Variants in SERPINA12 observed in about 807,000 individuals in gnomAD.
SERPINA12 encodes the protein serpin A12.
A neutral mutation model predicts 25.9 loss-of-function variants in SERPINA12; 21 were observed. The ratio of observed to expected loss-of-function variants is 0.81; its 90% CI spans 0.58 to 1.17. The LOEUF is 1.17. Among genes scored for constraint, SERPINA12 ranks in the 50% most tolerant of loss-of-function variants. The pLI is 0.00. For missense variants in SERPINA12, 562 were observed against 508.3 expected, an observed-to-expected ratio of 1.11 and a Z score of -1.02; for synonymous variants, 220 against 196.0, an observed-to-expected ratio of 1.12 and a Z score of -1.02.
At position 94,496,387 on chromosome 14, in the gene SERPINA12, T is replaced by A. The variant is rs1359356813; in HGVS notation, c.891A>T (p.Thr297=). 1.2e-6 allele frequency: 2 copies of A among 1,614,176 alleles called. No individual in the cohort carries two copies. Among genetic ancestry groups the A allele is most frequent in the East Asian group, 4.5e-5 (2 of 44,868 alleles). ...LQVDTFSRWK[T]LLSRRVVDVS... is the part of the protein sequence containing the mutation. ...ACCCACTTTACCTGCGTGACAGTAA[T>A]GTTTTCCATCTGGAGAAAGTGTCCA... Residue 297 remains threonine, a synonymous_variant, in exon 3 of 5, where the codon ACA becomes ACT. Transcript: ENST00000677451.
At chr14:94,502,363 C>T (rs1337875665) in intron 1 of SERPINA12, among the ~76,000 whole-genome samples, 6 of 152,302 alleles carry the variant, frequency 3.9e-5, no homozygotes, top group East Asian at 1.9e-4. Flanking sequence ...TAAGTCTACA[C>T]GAGAAGGGGT....
chr14:94,514,128 C>T (rs1329090041), upstream of SERPINA12, among the ~76,000 whole-genome samples: 1 of 152,240 alleles, frequency 6.6e-6, no homozygotes, highest in Non-Finnish European at 1.5e-5. Context: ...TGGGACAGTG[C>T]CTGGACTGTG....
intron 3 of SERPINA12, among the ~76,000 whole-genome samples, chr14:94,490,788 G>A (rs1048221148): frequency 5.9e-5 from 9 of 151,956 alleles, no homozygotes; most frequent in Non-Finnish European, 8.8e-5. Flanking sequence ...CCAGCCCCAC[G>A]TCCCAGAGCC....
chr14:94,505,857 T>C (rs1360155992), intron 1 of SERPINA12, among the ~76,000 whole-genome samples: 1 of 152,200 alleles, frequency 6.6e-6, no homozygotes, highest in African/African-American at 2.4e-5. Context: ...CAGTAGGCCA[T>C]GGGCAGAGGG....
intron 3 of SERPINA12, among the ~76,000 whole-genome samples, chr14:94,491,461 C>CATTCT (rs575651547): frequency 4.6e-5 from 7 of 151,708 alleles, no homozygotes; most frequent in Non-Finnish European, 1.0e-4. Context: ...TTAAAAGGAT[C>CATTCT]ATTCTGTTGC....
At chr14:94,514,435 C>T (rs1595702809), upstream of SERPINA12, among the ~76,000 whole-genome samples, 1 of 152,332 alleles carries the variant, frequency 6.6e-6, no homozygotes, top group East Asian at 1.9e-4. Context: ...TCTCTGCCAG[C>T]CCCTGGTGGC....
upstream of SERPINA12, among the ~76,000 whole-genome samples, chr14:94,509,582 A>G (rs1901055765): frequency 6.6e-6 from 1 of 152,052 alleles, no homozygotes; most frequent in Non-Finnish European, 1.5e-5. Flanking sequence ...AGCCTGGCCA[A>G]CTGGCCCTGC....
intron 1 of SERPINA12, among the ~76,000 whole-genome samples, chr14:94,508,395 ATTT>A (rs1566815437): frequency 0.011 from 213 of 18,730 alleles, no homozygotes; most frequent in African/African-American, 0.07. Flanking sequence ...GAAATAGAAA[ATTT>A]AGAAAATTTT....
chr14:94,510,037 A>T (rs938954330), upstream of SERPINA12: 21 of 984,110 alleles, frequency 2.1e-5, no homozygotes, highest in Admixed American at 6.2e-5. Flanking sequence ...ACCCCACCCC[A>T]CTCCCGAGCT....
At chr14:94,505,248 A>G (rs1358383544) in intron 1 of SERPINA12, among the ~76,000 whole-genome samples, 1 of 152,094 alleles carries the variant, frequency 6.6e-6, no homozygotes, top group African/African-American at 2.4e-5. Context: ...ACCCAGACAA[A>G]CCTTCTTGGA....
rs755437051 is a variant in SERPINA12, at chr14:94,487,514, A to G, written c.1054-20T>C. 6.3e-7 allele frequency: 1 copy of G among 1,588,346 alleles called. No homozygotes were observed. Among genetic ancestry groups the G allele is most frequent in the Non-Finnish European group, 8.6e-7 (1 of 1,167,516 alleles). On this transcript the variant is annotated intron_variant, in intron 4 of 4. Coordinates refer to ENST00000677451, the MANE Select transcript of SERPINA12 (RefSeq NM_001382267.1). Reference sequence around the variant, plus strand: ...CACAGCCTACGGAAGCCAAGGGCAAAGTCAAGGTCTGCCAAGCTCCTTGGC... The same window carrying G: ...CACAGCCTACGGAAGCCAAGGGCAAGGTCAAGGTCTGCCAAGCTCCTTGGC...
intron 1 of SERPINA12, among the ~76,000 whole-genome samples, chr14:94,517,248 G>A (rs955946673): frequency 1.3e-5 from 2 of 152,232 alleles, no homozygotes; most frequent in Non-Finnish European, 2.9e-5. Context: ...ACAGTGGAGG[G>A]TTTCAAATGT....
chr14:94,504,730 C>T (rs1900871258), intron 1 of SERPINA12, among the ~76,000 whole-genome samples: 1 of 152,156 alleles, frequency 6.6e-6, no homozygotes. Context: ...AATTGTTTTC[C>T]TATTGCACAT....
chr14:94,504,767 G>A (rs968686238), intron 1 of SERPINA12, among the ~76,000 whole-genome samples: 15 of 152,170 alleles, frequency 9.9e-5, no homozygotes, highest in Admixed American at 6.5e-5. Context: ...GTGAGACTAT[G>A]GTTGGGTTCT....
chr14:94,495,998 C>T (rs1337083013), intron 3 of SERPINA12, among the ~76,000 whole-genome samples: 6 of 152,224 alleles, frequency 3.9e-5, no homozygotes, highest in Admixed American at 3.9e-4. Context: ...CATCATTCTA[C>T]TCACAACTCA....
At chr14:94,493,621 CACT>C (rs1900272992) in intron 3 of SERPINA12, among the ~76,000 whole-genome samples, 1 of 151,912 alleles carries the variant, frequency 6.6e-6, no homozygotes, top group African/African-American at 2.4e-5. Context: ...CACAAGACAC[CACT>C]GAGAGCAGCC....
At chr14:94,513,121 G>A (rs1901150900), upstream of SERPINA12, among the ~76,000 whole-genome samples, 1 of 152,212 alleles carries the variant, frequency 6.6e-6, no homozygotes, top group Admixed American at 6.5e-5. Context: ...AGTCATCCAG[G>A]TTTTCAGTTT....
intron 3 of SERPINA12, among the ~76,000 whole-genome samples, chr14:94,494,951 G>A (rs950616324): frequency 5.3e-5 from 8 of 152,072 alleles, no homozygotes; most frequent in African/African-American, 1.9e-4. Context: ...AAGGGCAGGT[G>A]AGACTATGCA....
chr14:94,497,888 C>T lies in SERPINA12; in HGVS notation c.510G>A (p.Leu170=), dbSNP rs145002014. ...CATTGATCTGCTTCTGAGCCATTTCCAAATTCTGAAAGTTGGTAAGGATGG... is the reference window on the plus strand; with the variant it reads ...CATTGATCTGCTTCTGAGCCATTTCTAAATTCTGAAAGTTGGTAAGGATGG... ...AETILTNFQN[L]EMAQKQINDF... Residue 170 remains leucine, a synonymous_variant, in exon 2 of 5, where the codon TTG becomes TTA. Transcript: ENST00000677451. 2 of 1,614,140 alleles carry T rather than the reference C, an allele frequency of 1.2e-6. No individual in the cohort carries two copies. The highest frequency in any genetic ancestry group is 1.7e-6 in the Non-Finnish European group (2 of 1,180,030).
Sources: allele counts gnomAD v4.1 joint callset (sites outside exome capture counted in the v4.1 genomes callset), GRCh38; gene constraint gnomAD v4.1.1; transcripts MANE v1.5; gene names NCBI Gene and HGNC (gene_info 2026-07-23, HGNC 2026-07-21).